The following CPQ variants were observed in gnomAD, a reference collection of about 807,000 sequenced individuals.
CPQ encodes carboxypeptidase Q, also known as Ser-Met dipeptidase.
CPQ carries 37 observed loss-of-function variants against 45.7 expected under a neutral mutation model. The ratio of observed to expected loss-of-function variants is 0.81; its 90% CI spans 0.62 to 1.07. The LOEUF is 1.07. Among genes scored for constraint, CPQ ranks in the 50% least tolerant of loss-of-function variants. CPQ has a pLI of 0.00. For synonymous variants in CPQ, 186 were observed against 205.8 expected, an observed-to-expected ratio of 0.90 and a Z score of 0.82; for missense variants, 537 against 572.9, an observed-to-expected ratio of 0.94 and a Z score of 0.64.
intron 5 of CPQ, among the ~76,000 whole-genome samples, chr8:96,989,530 G>C (rs1405221534): frequency 2.0e-5 from 3 of 151,366 alleles, no homozygotes; most frequent in Admixed American, 2.0e-4. Flanking sequence ...GGAGAGGAGA[G>C]AGGAGAGGGG....
chr8:96,730,531 G>A (rs928531310), intron 1 of CPQ, among the ~76,000 whole-genome samples: 3 of 152,048 alleles, frequency 2.0e-5, no homozygotes, highest in African/African-American at 4.8e-5. Flanking sequence ...GGCAAACAGT[G>A]GGAGGGGCCA....
chr8:96,810,067 T>C (rs1383240231), intron 2 of CPQ, among the ~76,000 whole-genome samples: 4 of 152,102 alleles, frequency 2.6e-5, no homozygotes, highest in Non-Finnish European at 4.4e-5. Context: ...TCTCATTTCC[T>C]CCCTCACTCA....
At chr8:96,852,189 G>C (rs1388042892) in intron 3 of CPQ, among the ~76,000 whole-genome samples, 1 of 152,154 alleles carries the variant, frequency 6.6e-6, no homozygotes, top group East Asian at 1.9e-4. Flanking sequence ...TCCTCCACTT[G>C]CCCTTGCCTG....
rs879640612 is a variant in CPQ, at chr8:97,042,598, T to A, written c.1053+13104T>A. ...ATGTTAGGGTGTCAATTTTGGATCT[T>A]TCCTGCTTTCTCTTGTGGGCATTTA... is the stretch of plus-strand genomic sequence containing the variant. On this transcript the variant is annotated intron_variant, in intron 6 of 7. Transcript: ENST00000220763. Among the ~76,000 whole-genome samples, 274 of 151,814 alleles carry A rather than the reference T, an allele frequency of 1.8e-3. 2 individuals carry two copies. The highest frequency in any genetic ancestry group is 6.0e-4 in the Non-Finnish European group (41 of 67,772).
At chr8:96,651,727 G>A (rs1459889789) in intron 1 of CPQ, among the ~76,000 whole-genome samples, 1 of 151,852 alleles carries the variant, frequency 6.6e-6, no homozygotes, top group African/African-American at 2.4e-5. Context: ...AAAAAATTAT[G>A]TTATGTATGA....
intron 6 of CPQ, among the ~76,000 whole-genome samples, chr8:97,058,278 T>A (rs540201496): frequency 5.2e-4 from 79 of 152,146 alleles, no homozygotes; most frequent in East Asian, 2.9e-3. Context: ...ACTATTTTTT[T>A]AAAAAATAAC....
At chr8:96,756,907 C>T (rs1223492025) in intron 1 of CPQ, among the ~76,000 whole-genome samples, 3 of 152,192 alleles carry the variant, frequency 2.0e-5, no homozygotes, top group East Asian at 3.9e-4. Context: ...ATTTCTTTTT[C>T]CTCCCCTTCA....
intron 4 of CPQ, among the ~76,000 whole-genome samples, chr8:96,903,132 T>G (rs1438677036): frequency 6.6e-6 from 1 of 152,214 alleles, no homozygotes; most frequent in Non-Finnish European, 1.5e-5. Flanking sequence ...TGGCTTAGTG[T>G]GAAGTGATAG....
intron 3 of CPQ, among the ~76,000 whole-genome samples, chr8:96,859,465 G>T (rs1811899660): frequency 6.6e-6 from 1 of 152,110 alleles, no homozygotes; most frequent in African/African-American, 2.4e-5. Context: ...TGTCCCAGCA[G>T]CTTCCCTCTG....
intron 2 of CPQ, among the ~76,000 whole-genome samples, chr8:96,830,049 C>T (rs1811433317): frequency 6.6e-6 from 1 of 152,144 alleles, no homozygotes; most frequent in Non-Finnish European, 1.5e-5. Flanking sequence ...ATCTGCCTTC[C>T]ATGAATGTGC....
intron 3 of CPQ, among the ~76,000 whole-genome samples, chr8:96,849,978 C>G (rs574306700): frequency 6.6e-6 from 1 of 152,252 alleles, no homozygotes; most frequent in Non-Finnish European, 1.5e-5. Flanking sequence ...TATTTTTTAG[C>G]TCTTTATGCC....
intron 5 of CPQ, among the ~76,000 whole-genome samples, chr8:97,009,801 G>C (rs1213811333): frequency 3.3e-5 from 5 of 152,102 alleles, no homozygotes; most frequent in African/African-American, 4.8e-5. Flanking sequence ...CTGTGCATAG[G>C]GTACAGTGGA....
At chr8:96,966,081 G>A in intron 5 of CPQ, 35 bp downstream of exon 5, 2 of 1,434,602 alleles carry the variant, frequency 1.4e-6, no homozygotes, top group Non-Finnish European at 2.0e-6. Flanking sequence ...TAATGTGTGA[G>A]GATCTCAGTG....
chr8:96,832,580 G>C (rs1394913810), intron 2 of CPQ, among the ~76,000 whole-genome samples: 1 of 152,102 alleles, frequency 6.6e-6, no homozygotes, highest in East Asian at 1.9e-4. Context: ...ATATGTCCCA[G>C]GTACTCTGAA....
chr8:97,132,527 C>G (rs1239669073), intron 7 of CPQ, among the ~76,000 whole-genome samples: 1 of 152,220 alleles, frequency 6.6e-6, no homozygotes, highest in African/African-American at 2.4e-5. Context: ...AATGTCATCT[C>G]TGCTAAAACC....
At chr8:96,811,794 A>G (rs902714427) in intron 2 of CPQ, among the ~76,000 whole-genome samples, 7 of 152,190 alleles carry the variant, frequency 4.6e-5, no homozygotes, top group African/African-American at 1.7e-4. Context: ...ATATTTATCC[A>G]AATGTGTTTT....
In CPQ at chr8:96,786,591, G is replaced by C. The variant is rs984744149; in HGVS notation, c.433+1261G>C. Among the ~76,000 whole-genome samples, 4 of 152,142 alleles carry C rather than the reference G, an allele frequency of 2.6e-5. No homozygotes were observed. In the East Asian group the frequency reaches 7.7e-4, roughly 29 times the overall value. On this transcript the variant is annotated intron_variant, in intron 2 of 7. Transcript: ENST00000220763. ...ATACCAGCTCTATGTTTAACTTTAT[G>C]AGGTATTGCCAAACTGTTTTCTGAA...
chr8:96,847,956 C>T (rs552961895), intron 3 of CPQ, among the ~76,000 whole-genome samples: 137 of 133,070 alleles, frequency 1.0e-3, no homozygotes, highest in African/African-American at 2.8e-3. Flanking sequence ...CAGAGGCCAG[C>T]AGGGATGTAT....
At chr8:97,073,611 C>T (rs905773025) in intron 7 of CPQ, among the ~76,000 whole-genome samples, 1 of 152,148 alleles carries the variant, frequency 6.6e-6, no homozygotes, top group African/African-American at 2.4e-5. Flanking sequence ...ATTTAATCAA[C>T]AAGCATGTGT....
Sources: gnomAD v4.1 joint callset for allele counts (sites outside exome capture counted in the v4.1 genomes callset) on GRCh38, gnomAD v4.1.1 for gene constraint, MANE v1.5 for transcripts, NCBI Gene and HGNC (gene_info 2026-07-23, HGNC 2026-07-21) for gene names.